SETDB2: variants seen among roughly 807,000 people sequenced by gnomAD.
SETDB2 encodes SET domain bifurcated histone lysine methyltransferase 2, also known as histone-lysine N-methyltransferase SETDB2.
In SETDB2, 56 loss-of-function variants were observed where a neutral mutation model predicts 82.5. That is an observed-to-expected ratio of 0.68 (90% confidence interval 0.55 to 0.85). SETDB2 has a LOEUF of 0.85. SETDB2 is among the 40% of genes least tolerant of loss of function. SETDB2 has a pLI of 0.00. For synonymous variants in SETDB2, 272 were observed against 284.9 expected (o/e 0.95, Z 0.46); for missense variants, 677 against 816.4 (o/e 0.83, Z 2.08).
At chr13:49,445,373 A>G (rs1157850753) in intron 1 of SETDB2, among the ~76,000 whole-genome samples, 1 of 152,200 alleles carries the variant, frequency 6.6e-6, no homozygotes, top group Non-Finnish European at 1.5e-5. Flanking sequence ...TAGAAACGAA[A>G]AGGAACCATA....
rs1377046251 is a variant in SETDB2 at position 49,494,182 on chromosome 13, T to A, written c.*2333T>A. ...TTTTCTAGTCTCATATTGTCTCATA[T>A]TTTTAATTTCTAAGAGCTCCCCTTC... On this transcript the variant is annotated 3_prime_UTR_variant, in exon 14 of 14. Coordinates refer to ENST00000611815, the MANE Select transcript of SETDB2 (RefSeq NM_001160308.3). The A allele has an allele frequency of 6.6e-6, 1 of 152,248 alleles. No homozygotes were observed. The highest frequency in any genetic ancestry group is 2.4e-5 in the African/African-American group (1 of 41,458). 9.4% of individuals were successfully genotyped at this position (152,248 alleles called of 1,614,324 possible).
At chr13:49,460,912 G>C (rs721458) in intron 3 of SETDB2, among the ~76,000 whole-genome samples, 185 bp from the exon 4 acceptor site, 2 of 151,620 alleles carry the variant, frequency 1.3e-5, no homozygotes, top group Admixed American at 1.3e-4. Context: ...CTTCTTAGCT[G>C]AATGTCCTGG....
At chr13:49,468,273 T>C (rs1235959674) in intron 5 of SETDB2, among the ~76,000 whole-genome samples, 2 of 152,276 alleles carry the variant, frequency 1.3e-5, no homozygotes, top group East Asian at 1.9e-4. Context: ...GCTTAGATTA[T>C]CTGGAGAATT....
Position 49,444,542 on chromosome 13 carries a change from A to G in SETDB2, c.-657A>G, listed in dbSNP as rs1165037078. 3 of 158,736 alleles carry G rather than the reference A, an allele frequency of 1.9e-5. No homozygotes were observed. The highest frequency in any genetic ancestry group is 1.2e-4 in the Admixed American group (2 of 16,856). The allele number at this position is 158,736 out of a possible 1,614,324, so 9.8% of individuals were successfully genotyped here. A position where few individuals can be genotyped will look rare whatever the true frequency, so the allele number is the denominator to read the frequency against. On this transcript the variant is annotated 5_prime_UTR_variant, in exon 1 of 14. Transcript: ENST00000611815. The stretch of plus-strand genomic sequence containing the variant: ...AAGGCACCGCCGTGGCTGGCCCCCG[A>G]CAGTTCCTCTAGCCGGGAGGTTGGA...
intron 4 of SETDB2, 73 bp from the exon 5 acceptor site, chr13:49,467,791 A>ATAT: frequency 9.0e-7 from 1 of 1,107,714 alleles, no homozygotes; most frequent in Non-Finnish European, 1.3e-6. Context: ...GTCAATGAAC[A>ATAT]TATTACTTGG....
At chr13:49,456,399 A>C (rs1957882875) in intron 2 of SETDB2, among the ~76,000 whole-genome samples, 1 of 152,136 alleles carries the variant, frequency 6.6e-6, no homozygotes, top group South Asian at 2.1e-4. Context: ...CCTTCATTAC[A>C]AGGCTGCTAC....
Position 49,488,216 on chromosome 13 carries a change from A to C in SETDB2, c.1577-74A>C, listed in dbSNP as rs1005458152. The C allele has an allele frequency of 2.0e-6, 3 of 1,502,490 alleles. No homozygotes were observed. In the African/African-American group the frequency reaches 4.2e-5, roughly 21 times the overall value. The allele number at this position is 1,502,490 out of a possible 1,614,324, so 93.1% of individuals were successfully genotyped here. On this transcript the variant is annotated intron_variant, in intron 11 of 13. Coordinates refer to ENST00000611815, the MANE Select transcript of SETDB2 (RefSeq NM_001160308.3). ...CGATAATTAAAGCACCTAGCATCTA[A>C]TTAGTGTTGTTAATTTCAGCACTAT...
At chr13:49,491,697 T>G in intron 13 of SETDB2, 35 bp from the exon 14 acceptor site, 3 of 1,437,692 alleles carry the variant, frequency 2.1e-6, no homozygotes, top group Non-Finnish European at 2.9e-6. Flanking sequence ...TTATTTAGGG[T>G]ATTTTATGAT....
chr13:49,472,081 A>G (rs1284807262), intron 5 of SETDB2, among the ~76,000 whole-genome samples: 3 of 151,332 alleles, frequency 2.0e-5, no homozygotes, highest in African/African-American at 4.9e-5. Flanking sequence ...ATTTTTTTTA[A>G]TATCTTAATT....
intron 1 of SETDB2, among the ~76,000 whole-genome samples, chr13:49,448,602 GT>G (rs2138803492): frequency 6.6e-6 from 1 of 152,180 alleles, no homozygotes; most frequent in South Asian, 2.1e-4. Context: ...GGGGTGGGGG[GT>G]TGATTTACTA....
rs1205505853 is a variant in SETDB2 at position 49,494,581 on chromosome 13, A to G, written c.*2732A>G. On this transcript the variant is annotated 3_prime_UTR_variant, in exon 14 of 14. Transcript: ENST00000611815. ...GGAACACCCTAATGTCAGTCTCTTT[A>G]TAAAGGGCCTTTCATTTTGGCCTGG... 1.3e-5 allele frequency: 2 copies of G among 152,180 alleles called. No individual in the cohort carries two copies. The highest frequency in any genetic ancestry group is 6.5e-5 in the Admixed American group (1 of 15,278). 9.4% of individuals were successfully genotyped at this position (152,180 alleles called of 1,614,324 possible). A position where few individuals can be genotyped will look rare whatever the true frequency, so the allele number is the denominator to read the frequency against.
chr13:49,487,397 G>A (rs780777734), intron 11 of SETDB2, among the ~76,000 whole-genome samples: 73 of 152,080 alleles, frequency 4.8e-4, no homozygotes, highest in Admixed American at 1.0e-3. Context: ...GTGCAGTGGT[G>A]GGATCATAGC....
In SETDB2 at chr13:49,490,889, T is replaced by C. The variant is rs775602277; in HGVS notation, c.1985T>C (p.Leu662Ser). The change falls in exon 13 of 14, where the codon TTG becomes TCG. Residue 662 changes from leucine to serine, a missense_variant. Physicochemically the swap from Leu to Ser is moderately radical, Grantham distance 145. Transcript: ENST00000611815. ...FVETHNRNFP[L>S]VAFFTNRYVK... is the part of the protein sequence containing the mutation. ...GAAACACACAACAGGAATTTTCCAT[T>C]GGTGGCATTCTTCACCAACAGGTTT... 6.2e-7 allele frequency: 1 copy of C among 1,613,376 alleles called. No homozygotes were observed. Among genetic ancestry groups the C allele is most frequent in the South Asian group, 1.1e-5 (1 of 90,998 alleles).
intron 2 of SETDB2, among the ~76,000 whole-genome samples, chr13:49,453,209 T>G (rs369844900): frequency 6.6e-6 from 1 of 152,216 alleles, no homozygotes; most frequent in Non-Finnish European, 1.5e-5. Flanking sequence ...TTTTATACTT[T>G]TTGAGTTACA....
chr13:49,453,776 A>G (rs1289646122), intron 2 of SETDB2, among the ~76,000 whole-genome samples: 1 of 152,136 alleles, frequency 6.6e-6, no homozygotes, highest in Non-Finnish European at 1.5e-5. Context: ...TTTATTGGAA[A>G]ATGGTATTAG....
chr13:49,488,687 T>C (rs189847845), intron 12 of SETDB2, 57 bp downstream of exon 12: 281 of 1,372,072 alleles, frequency 2.0e-4, no homozygotes, highest in Admixed American at 7.3e-4. Flanking sequence ...CTATGCTACT[T>C]AACAAAATTA....
chr13:49,477,018 G>A lies in SETDB2; in HGVS notation c.848G>A (p.Cys283Tyr), dbSNP rs779473157. Reference sequence around the variant, plus strand: ...AGCATGTTTACTGATTCCTGTGACTGCTCTGAGGGCTGCATAGACATGTGA... The same window carrying A: ...AGCATGTTTACTGATTCCTGTGACTACTCTGAGGGCTGCATAGACATGTGA... Reference protein sequence around the residue: ...FSSMFTDSCDCSEGCIDITKC... With the variant: ...FSSMFTDSCDYSEGCIDITKC... Residue 283 changes from cysteine (C) to tyrosine (Y), a missense_variant, in exon 6 of 14, where the codon TGC (cysteine) becomes TAC (tyrosine). By Grantham distance (194) the Cys-to-Tyr change is radical. This residue lies in a region of SETDB2 where 420 missense variants were observed against 554.6 expected (regional missense o/e 0.76). Coordinates refer to ENST00000611815, the MANE Select transcript of SETDB2 (RefSeq NM_001160308.3). The A allele has an allele frequency of 6.2e-7, 1 of 1,601,860 alleles. No individual in the cohort carries two copies. Among genetic ancestry groups the A allele is most frequent in the South Asian group, 1.1e-5 (1 of 89,696 alleles).
At chr13:49,484,032 C>T (rs1365073105) in intron 10 of SETDB2, among the ~76,000 whole-genome samples, 1 of 151,972 alleles carries the variant, frequency 6.6e-6, no homozygotes, top group Non-Finnish European at 1.5e-5. Context: ...GAATGGTGGA[C>T]GGTGGAAATG....
rs1958467308 is a variant in SETDB2, at chr13:49,481,107, A to G, written c.1147A>G (p.Ile383Val). 6.2e-7 allele frequency: 1 copy of G among 1,610,192 alleles called. No individual in the cohort carries two copies. The highest frequency in any genetic ancestry group is 1.1e-5 in the South Asian group (1 of 90,326). ...DDIDRGTFVC[I>V]YSGRLLSRAN... ...CATTGACAGAGGGACATTTGTTTGC[A>G]TTTATTCAGGTAAAGCAAAAGTTTA... The change falls in exon 8 of 14, where the codon ATT (isoleucine) becomes GTT (valine). Residue 383 changes from isoleucine to valine, a missense_variant. Physicochemically the swap from Ile to Val is conservative, Grantham distance 29. Transcript: ENST00000611815.
Sources: gnomAD v4.1 joint callset for allele counts (sites outside exome capture counted in the v4.1 genomes callset) on GRCh38, gnomAD v4.1.1 for gene constraint, gnomAD v4.1.1 regional missense constraint, MANE v1.5 for transcripts, NCBI Gene and HGNC (gene_info 2026-07-23, HGNC 2026-07-21) for gene names.